Variants in RYR2 observed in about 807,000 individuals in gnomAD.
RYR2 encodes cardiac muscle ryanodine receptor-calcium release channel.
Under a neutral mutation model 601.1 loss-of-function variants are expected in RYR2, and 227 were observed. The ratio of observed to expected loss-of-function variants is 0.38; its 90% CI spans 0.34 to 0.42. The LOEUF is 0.42. Among genes scored for constraint, RYR2 ranks in the 10% least tolerant of loss-of-function variants. The pLI is 1.00. For synonymous variants in RYR2, 2,223 were observed against 2,175.1 expected, an observed-to-expected ratio of 1.02 and a Z score of -0.61; for missense variants, 4,646 against 6,156.5, an observed-to-expected ratio of 0.75 and a Z score of 8.21.
At chr1:237,747,720 C>G (rs1270458484) in intron 80 of RYR2, among the ~76,000 whole-genome samples, 1 of 152,048 alleles carries the variant, frequency 6.6e-6, no homozygotes, top group Non-Finnish European at 1.5e-5. Context: ...ATAGTAACAG[C>G]ATTTTAAATT....
At chr1:237,432,953 T>A (rs1052752288) in intron 12 of RYR2, among the ~76,000 whole-genome samples, 1 of 151,586 alleles carries the variant, frequency 6.6e-6, no homozygotes, top group African/African-American at 2.4e-5. Flanking sequence ...TAGATACCAA[T>A]AACTTTATAA....
intron 2 of RYR2, among the ~76,000 whole-genome samples, chr1:237,323,311 G>A (rs1218914199): frequency 6.6e-6 from 1 of 152,080 alleles, no homozygotes; most frequent in African/African-American, 2.4e-5. Flanking sequence ...GTATCTTGAG[G>A]CTCAATTCAT....
At chr1:237,245,334 C>T (rs2149250666) in intron 1 of RYR2, among the ~76,000 whole-genome samples, 1 of 152,284 alleles carries the variant, frequency 6.6e-6, no homozygotes, top group South Asian at 2.1e-4. Context: ...CATGGCATGG[C>T]TTACCACATT....
intron 1 of RYR2, among the ~76,000 whole-genome samples, chr1:237,174,039 A>G (rs1311983738): frequency 7.0e-6 from 1 of 142,812 alleles, no homozygotes; most frequent in African/African-American, 2.6e-5. Context: ...CCTGGGCGAC[A>G]GGGCAAGACT....
intron 100 of RYR2, among the ~76,000 whole-genome samples, chr1:237,813,120 CTTTCTACCCT>C (rs1661427215): frequency 6.6e-6 from 1 of 152,138 alleles, no homozygotes; most frequent in South Asian, 2.1e-4. Flanking sequence ...TGCTCAGAGC[CTTTCTACCCT>C]GTGACCCTGA....
intron 1 of RYR2, among the ~76,000 whole-genome samples, chr1:237,110,980 C>G (rs763075369): frequency 1.3e-5 from 2 of 152,136 alleles, no homozygotes; most frequent in Non-Finnish European, 2.9e-5. Context: ...AGGTCAAGCA[C>G]GATGCCAGGT....
chr1:237,149,644 C>T (rs966096790), intron 1 of RYR2, among the ~76,000 whole-genome samples: 1 of 151,332 alleles, frequency 6.6e-6, no homozygotes, highest in African/African-American at 2.5e-5. Flanking sequence ...GATGAAGTTT[C>T]CCTCCCACAC....
At position 237,610,495 on chromosome 1, in the gene RYR2, T is replaced by C. The variant is rs2148570130; in HGVS notation, c.4684-267T>C. Among the ~76,000 whole-genome samples, 1 of 152,342 alleles carries C rather than the reference T, an allele frequency of 6.6e-6. No homozygotes were observed. Among genetic ancestry groups the C allele is most frequent in the East Asian group, 1.9e-4 (1 of 5,180 alleles). On this transcript the variant is annotated intron_variant, in intron 35 of 104. Coordinates refer to ENST00000366574, the MANE Select transcript of RYR2 (RefSeq NM_001035.3). This position sits in a 1 kb window ranked among gnomAD's most constrained non-coding sequence, Gnocchi z 4.9. ...ATATGGGTATGCTTGGCCTTCTCTC[T>C]GTGCCATTCAGTATATGGGAAAGAC... is the stretch of plus-strand genomic sequence containing the variant.
intron 63 of RYR2, among the ~76,000 whole-genome samples, chr1:237,694,118 C>A (rs939242233): frequency 3.3e-5 from 5 of 151,756 alleles, no homozygotes; most frequent in Non-Finnish European, 7.4e-5. Context: ...CAAGGTGAAA[C>A]CCCGTCTCTG....
In RYR2 at chr1:237,237,492, T is replaced by C. The variant is rs535402347; in HGVS notation, c.49-33005T>C. On this transcript the variant is annotated intron_variant, in intron 1 of 104. Transcript: ENST00000366574. ...CATGTTCCGTTACACTCTCCTCCCT[T>C]TGGAATTCAGGCACAATTGGCCAGC... 3.9e-5 allele frequency among the ~76,000 whole-genome samples: 6 copies of C among 152,230 alleles called. No homozygotes were observed. The East Asian group carries it at 1.2e-3, about 29-fold the overall frequency.
At chr1:237,283,215 C>T (rs1425265962) in intron 2 of RYR2, among the ~76,000 whole-genome samples, 8 of 152,140 alleles carry the variant, frequency 5.3e-5, no homozygotes, top group Non-Finnish European at 1.2e-4. Flanking sequence ...AATGCATCTC[C>T]CTCCTTTATG....
chr1:237,517,224 G>T (rs1387509579), intron 24 of RYR2, among the ~76,000 whole-genome samples: 1 of 152,038 alleles, frequency 6.6e-6, no homozygotes, highest in East Asian at 1.9e-4. Context: ...CACCCTTAAA[G>T]GATCTCCTCC....
intron 63 of RYR2, among the ~76,000 whole-genome samples, chr1:237,698,651 A>C (rs1687703168): frequency 6.6e-6 from 1 of 151,886 alleles, no homozygotes; most frequent in Non-Finnish European, 1.5e-5. Context: ...AAGATTTAAA[A>C]ATACAGTGAG....
At chr1:237,727,018 G>T (rs1247205731) in intron 75 of RYR2, 69 bp from the exon 76 acceptor site, 1 of 816,298 alleles carries the variant, frequency 1.2e-6, no homozygotes, top group Non-Finnish European at 2.2e-6. Context: ...ATAGTTTGGG[G>T]TGTAAATATT....
At chr1:237,451,447 G>A (rs1658100902) in intron 14 of RYR2, among the ~76,000 whole-genome samples, 2 of 152,002 alleles carry the variant, frequency 1.3e-5, no homozygotes, top group African/African-American at 2.4e-5. Flanking sequence ...GTGGGCATGA[G>A]CCTGTAATCT....
At chr1:237,238,131 A>G (rs1314827046) in intron 1 of RYR2, among the ~76,000 whole-genome samples, 1 of 151,270 alleles carries the variant, frequency 6.6e-6, no homozygotes, top group Non-Finnish European at 1.5e-5. Context: ...ACACCTGGCT[A>G]ATTTTTGTAT....
At chr1:237,609,014 C>T (rs1180343951) in intron 35 of RYR2, among the ~76,000 whole-genome samples, 1 of 151,032 alleles carries the variant, frequency 6.6e-6, no homozygotes, top group South Asian at 2.1e-4. Context: ...TTCTCCCTCT[C>T]CCTCCCTCCT....
Position 237,096,768 on chromosome 1 carries a change from G to C in RYR2, c.48+54199G>C, listed in dbSNP as rs551105254. Reference sequence around the variant, plus strand: ...AAAGTTCCAGAAGAGTACAAACTGAGCTGCTCTGGCATGTTCGGAACCTGT... The same window carrying C: ...AAAGTTCCAGAAGAGTACAAACTGACCTGCTCTGGCATGTTCGGAACCTGT... On this transcript the variant is annotated intron_variant, in intron 1 of 104. Coordinates refer to ENST00000366574, the MANE Select transcript of RYR2 (RefSeq NM_001035.3). Among the ~76,000 whole-genome samples the C allele has an allele frequency of 3.3e-4, 50 of 152,368 alleles. 1 individual carries two copies. Among genetic ancestry groups the C allele is most frequent in the African/African-American group, 1.2e-3 (49 of 41,576 alleles).
chr1:237,826,819 T>C (rs559254318), intron 101 of RYR2, among the ~76,000 whole-genome samples: 36 of 152,154 alleles, frequency 2.4e-4, no homozygotes, highest in Non-Finnish European at 4.8e-4. Context: ...TCTTATTTTA[T>C]GCATGAAGTA....
Sources: gnomAD v4.1 joint callset for allele counts (sites outside exome capture counted in the v4.1 genomes callset) on GRCh38, gnomAD v4.1.1 for gene constraint, Gnocchi (gnomAD v3.1) non-coding constraint, MANE v1.5 for transcripts, NCBI Gene and HGNC (gene_info 2026-07-23, HGNC 2026-07-21) for gene names.